The following SPAG16 variants were observed in gnomAD, a reference collection of about 807,000 sequenced individuals.
SPAG16 encodes sperm-associated antigen 16 protein.
A neutral mutation model predicts 80.4 loss-of-function variants in SPAG16; 86 were observed. The ratio of observed to expected loss-of-function variants is 1.07; its 90% CI spans 0.90 to 1.28. SPAG16 has a LOEUF of 1.28. Ranked by LOEUF, SPAG16 falls within the 50% of genes most tolerant of loss-of-function variation. The probability of loss-of-function intolerance (pLI) is 0.00; values close to 1 mark genes in which losing one functional copy is unlikely to be tolerated. For synonymous variants in SPAG16, 294 were observed against 265.9 expected (o/e 1.11, Z -1.03); for missense variants, 870 against 765.3 (o/e 1.14, Z -1.61).
At chr2:213,881,728 T>A (rs1222978613) in intron 11 of SPAG16, among the ~76,000 whole-genome samples, 1 of 152,326 alleles carries the variant, frequency 6.6e-6, no homozygotes, top group African/African-American at 2.4e-5. Context: ...GCCCCCATGA[T>A]TCAATTATCT....
intron 10 of SPAG16, among the ~76,000 whole-genome samples, chr2:213,843,815 C>T (rs1201735374): frequency 6.6e-6 from 1 of 152,154 alleles, no homozygotes; most frequent in African/African-American, 2.4e-5. Context: ...CATGCCACTG[C>T]ACTCCAGCCT....
At chr2:213,715,044 A>G (rs897624668) in intron 10 of SPAG16, among the ~76,000 whole-genome samples, 1 of 152,148 alleles carries the variant, frequency 6.6e-6, no homozygotes, top group Non-Finnish European at 1.5e-5. Flanking sequence ...ATTTGTTCCT[A>G]TGATGGGATT....
chr2:213,739,257 C>CAGA (rs1310678347), intron 10 of SPAG16, among the ~76,000 whole-genome samples: 3 of 152,122 alleles, frequency 2.0e-5, no homozygotes, highest in African/African-American at 7.2e-5. Flanking sequence ...ACTTGTACTT[C>CAGA]AACAGGTTAA....
chr2:213,375,427 T>G (rs2066838024), intron 9 of SPAG16, among the ~76,000 whole-genome samples: 2 of 151,928 alleles, frequency 1.3e-5, no homozygotes, highest in Admixed American at 1.3e-4. Context: ...CTAAAAGAAA[T>G]CACTCCCAGG....
intron 10 of SPAG16, among the ~76,000 whole-genome samples, chr2:213,614,863 A>C (rs1481627414): frequency 6.6e-6 from 1 of 152,266 alleles, no homozygotes; most frequent in Non-Finnish European, 1.5e-5. Context: ...ACATCAATAC[A>C]GGACTTCCTG....
chr2:214,081,898 G>A (rs1206282207), intron 13 of SPAG16, among the ~76,000 whole-genome samples: 2 of 151,980 alleles, frequency 1.3e-5, no homozygotes, highest in Admixed American at 1.3e-4. Context: ...GGGAAAGAGG[G>A]TGGGGCAAAT....
intron 15 of SPAG16, among the ~76,000 whole-genome samples, chr2:214,188,862 A>C (rs1401705146): frequency 2.6e-5 from 4 of 152,134 alleles, no homozygotes; most frequent in Non-Finnish European, 5.9e-5. Context: ...TTTGATGATA[A>C]TCACTTACTG....
intron 15 of SPAG16, among the ~76,000 whole-genome samples, chr2:214,261,023 C>G (rs1053395654): frequency 3.4e-5 from 5 of 145,808 alleles, no homozygotes; most frequent in African/African-American, 1.3e-4. Flanking sequence ...AGGAGAATCG[C>G]TTGAACCTGG....
chr2:213,530,381 G>A (rs1162454379), intron 10 of SPAG16, among the ~76,000 whole-genome samples: 1 of 152,130 alleles, frequency 6.6e-6, no homozygotes, highest in Non-Finnish European at 1.5e-5. Context: ...CAGCTCCTTT[G>A]TAATCTTATG....
intron 15 of SPAG16, among the ~76,000 whole-genome samples, chr2:214,380,975 G>A (rs941402151): frequency 6.6e-6 from 1 of 152,164 alleles, no homozygotes; most frequent in Non-Finnish European, 1.5e-5. Context: ...TAATCACTTC[G>A]ATTTTCCTCC....
At chr2:214,408,948 A>C (rs1574542672) in intron 15 of SPAG16, among the ~76,000 whole-genome samples, 1 of 151,866 alleles carries the variant, frequency 6.6e-6, no homozygotes, top group East Asian at 1.9e-4. Context: ...TAACTATTTA[A>C]AATACAGATA....
At chr2:213,396,686 C>T (rs200040706) in intron 9 of SPAG16, 19 of 455,218 alleles carry the variant, frequency 4.2e-5, no homozygotes, top group Admixed American at 7.1e-5. Context: ...ACCAGCACAT[C>T]GACTAAGACT....
intron 15 of SPAG16, among the ~76,000 whole-genome samples, chr2:214,301,488 A>G (rs1027542206): frequency 2.0e-5 from 3 of 152,084 alleles, no homozygotes; most frequent in Non-Finnish European, 4.4e-5. Flanking sequence ...CAAGAGAAAG[A>G]AAGTAAAGGC....
chr2:214,168,195 T>C (rs547026502), intron 15 of SPAG16, among the ~76,000 whole-genome samples: 82 of 152,056 alleles, frequency 5.4e-4, no homozygotes, highest in Admixed American at 1.0e-3. Context: ...ATTCACCATA[T>C]TGGCCAGGCT....
At chr2:213,880,103 A>G (rs1023284454) in intron 11 of SPAG16, among the ~76,000 whole-genome samples, 2 of 152,172 alleles carry the variant, frequency 1.3e-5, no homozygotes, top group Admixed American at 6.5e-5. Flanking sequence ...CCCACAGTGT[A>G]TAAGCATTCC....
intron 15 of SPAG16, among the ~76,000 whole-genome samples, chr2:214,199,631 G>C (rs1016254117): frequency 6.6e-6 from 1 of 152,238 alleles, no homozygotes. Flanking sequence ...TTCTAGTTCT[G>C]TGAAGAATGA....
rs144857662 is a variant in SPAG16, at chr2:213,334,333, G to A, written c.537-5830G>A. ...ATGCTGGCGAGGATATGGAGAAAAG[G>A]GAACCCTTGTACGCTGTTGGTGGGA... On this transcript the variant is annotated intron_variant, in intron 5 of 15. Coordinates refer to ENST00000331683, the MANE Select transcript of SPAG16 (RefSeq NM_024532.5). Among the ~76,000 whole-genome samples, 3 of 152,204 alleles carry A rather than the reference G, an allele frequency of 2.0e-5. No individual in the cohort carries two copies. The East Asian group carries it at 5.8e-4, about 29-fold the overall frequency.
At chr2:214,393,220 C>T (rs542787232) in intron 15 of SPAG16, among the ~76,000 whole-genome samples, 59 of 152,260 alleles carry the variant, frequency 3.9e-4, no homozygotes, top group African/African-American at 1.4e-3. Context: ...GAATCTCAGA[C>T]AGTTTATAGT....
intron 2 of SPAG16, among the ~76,000 whole-genome samples, chr2:213,296,860 A>G (rs774376567): frequency 2.0e-5 from 3 of 152,218 alleles, no homozygotes; most frequent in Non-Finnish European, 4.4e-5. Context: ...CAAGATTTTA[A>G]TGCTCAGTGA....
Sources: allele counts gnomAD v4.1 joint callset (sites outside exome capture counted in the v4.1 genomes callset), GRCh38; gene constraint gnomAD v4.1.1; transcripts MANE v1.5; gene names NCBI Gene and HGNC (gene_info 2026-07-23, HGNC 2026-07-21).